RRBP1: variants seen among roughly 807,000 people sequenced by gnomAD.
RRBP1 encodes ribosome binding protein 1.
Under a neutral mutation model 165.2 loss-of-function variants are expected in RRBP1, and 94 were observed. The ratio of observed to expected loss-of-function variants is 0.57; its 90% CI spans 0.48 to 0.68. RRBP1 has a LOEUF of 0.68. RRBP1 is among the 30% of genes least tolerant of loss of function. The pLI is 0.00. For missense variants in RRBP1, 1,676 were observed against 1,763.0 expected (o/e 0.95, Z 0.88); for synonymous variants, 680 against 714.5 (o/e 0.95, Z 0.77).
At chr20:17,636,753 G>A (rs1401622991) in intron 5 of RRBP1, 24 bp from the exon 6 acceptor site, 13 of 1,611,576 alleles carry the variant, frequency 8.1e-6, no homozygotes, top group African/African-American at 4.0e-5. Context: ...AGCAGAGAGA[G>A]GGGCTGGTAA....
intron 2 of RRBP1, among the ~76,000 whole-genome samples, chr20:17,671,074 T>C (rs1341034798): frequency 6.6e-6 from 1 of 152,236 alleles, no homozygotes; most frequent in Non-Finnish European, 1.5e-5. Flanking sequence ...TTTTATGTAA[T>C]CTGCTAGTAA....
At chr20:17,648,919 G>T (rs962959377) in intron 3 of RRBP1, among the ~76,000 whole-genome samples, 1 of 152,178 alleles carries the variant, frequency 6.6e-6, no homozygotes, top group African/African-American at 2.4e-5. Context: ...TGCAGAAAAC[G>T]GCAGGGGATT....
At position 17,625,661 on chromosome 20, in the gene RRBP1, C is replaced by T. The variant is rs2036003511; in HGVS notation, c.2964-59G>A. 121 of 1,393,108 alleles carry T rather than the reference C, an allele frequency of 8.7e-5. 1 individual carries two copies. In the South Asian group the frequency reaches 1.3e-3, roughly 15 times the overall value. The allele number at this position is 1,393,108 out of a possible 1,614,324, so 86.3% of individuals were successfully genotyped here. On this transcript the variant is annotated intron_variant, in intron 11 of 24. Coordinates refer to ENST00000377813, the MANE Select transcript of RRBP1 (RefSeq NM_001365613.2). ...CCAAGGGGCTACAGCCCCTACAGATCCCACCTGAGGCCCCATCCAGGGAGG... is the reference window on the plus strand; with the variant it reads ...CCAAGGGGCTACAGCCCCTACAGATTCCACCTGAGGCCCCATCCAGGGAGG...
At chr20:17,626,871 T>A (rs985416572) in intron 11 of RRBP1, among the ~76,000 whole-genome samples, 1 of 152,136 alleles carries the variant, frequency 6.6e-6, no homozygotes, top group Non-Finnish European at 1.5e-5. Flanking sequence ...ACCTCACAGA[T>A]GGAGGAAAAC....
chr20:17,618,628 C>T lies in RRBP1; in HGVS notation c.3727G>A (p.Glu1243Lys), dbSNP rs149077359. 81 of 1,613,894 alleles carry T rather than the reference C, an allele frequency of 5.0e-5. No individual in the cohort carries two copies. Among genetic ancestry groups the T allele is most frequent in the Middle Eastern group, 1.6e-4 (1 of 6,084 alleles). The change falls in exon 20 of 25, where the codon GAA becomes AAA. Residue 1243 changes from glutamate (E) to lysine (K), a missense_variant. By Grantham distance (56) the Glu-to-Lys change is moderately conservative. Around this residue, in one of 5 missense-constraint regions of RRBP1, gnomAD observed 1,184 missense variants for 1,167.1 expected, o/e 1.01. Transcript: ENST00000377813. ...SQSQLDAAKS[E>K]AQKQSDELAL... The stretch of plus-strand genomic sequence containing the variant: ...AGCTCATCGCTCTGTTTCTGGGCTT[C>T]GCTCTTGGCGGCATCGAGCTGAGAT...
chr20:17,627,436 G>C, intron 10 of RRBP1, 54 bp from the exon 11 acceptor site: 2 of 1,611,084 alleles, frequency 1.2e-6, no homozygotes, highest in Non-Finnish European at 1.7e-6. Flanking sequence ...CTCACGCAGC[G>C]GGGCTAGTCC....
At position 17,624,643 on chromosome 20, in the gene RRBP1, G is replaced by T. The variant is rs763610503; in HGVS notation, c.3080C>A (p.Ala1027Asp). The change falls in exon 13 of 25, where the codon GCC becomes GAC. Residue 1027 changes from alanine (A) to aspartate (D), a missense_variant. Transcript: ENST00000377813. ...CTCGGCCGTGGCCAGTGCCTCCATG[G>T]CCTTCCAGTTCTTCTCCCGGAGGTC... Reference protein sequence around the residue: ...NNDLREKNWKAMEALATAEQA... With the variant: ...NNDLREKNWKDMEALATAEQA... The T allele has an allele frequency of 4.4e-6, 7 of 1,588,226 alleles. No homozygotes were observed. Among genetic ancestry groups the T allele is most frequent in the Non-Finnish European group, 6.0e-6 (7 of 1,167,994 alleles).
At chr20:17,681,702 G>A (rs2037192552) in intron 1 of RRBP1, among the ~76,000 whole-genome samples, 1 of 150,272 alleles carries the variant, frequency 6.7e-6, no homozygotes, top group African/African-American at 2.4e-5. Context: ...CGGCCCGACG[G>A]CCCTGCCGGG....
At chr20:17,675,674 G>A (rs772493871) in intron 2 of RRBP1, among the ~76,000 whole-genome samples, 7 of 152,210 alleles carry the variant, frequency 4.6e-5, no homozygotes, top group Non-Finnish European at 8.8e-5. Context: ...CAAAGTAGAC[G>A]CAAAGGCCCG....
chr20:17,614,212 G>A lies in RRBP1; in HGVS notation c.4203C>T (p.Gly1401=), dbSNP rs143196155. The part of the protein sequence containing the change: ...LQEQLEKAED[G]SSSKEGTSV Reference sequence around the variant, plus strand: ...CAGAGGTGCCCTCCTTTGAGCTGCTGCCGTCCTCCTGTGAACGAAGGCAGG... The same window carrying A: ...CAGAGGTGCCCTCCTTTGAGCTGCTACCGTCCTCCTGTGAACGAAGGCAGG... Residue 1401 remains glycine (G), a synonymous_variant, in exon 25 of 25, where the codon GGC becomes GGT. Coordinates refer to ENST00000377813, the MANE Select transcript of RRBP1 (RefSeq NM_001365613.2). The A allele has an allele frequency of 1.5e-5, 24 of 1,613,718 alleles. No individual in the cohort carries two copies. Among genetic ancestry groups the A allele is most frequent in the Non-Finnish European group, 2.0e-5 (24 of 1,179,988 alleles).
rs1248707417 is a variant in RRBP1 at position 17,621,699 on chromosome 20, C to G, written c.3315G>C (p.Glu1105Asp). 6.2e-7 allele frequency: 1 copy of G among 1,613,572 alleles called. No homozygotes were observed. Among genetic ancestry groups the G allele is most frequent in the African/African-American group, 1.3e-5 (1 of 74,938 alleles). Residue 1105 changes from glutamate to aspartate, a missense_variant, in exon 15 of 25, where the codon GAG becomes GAC. Around this residue, in one of 5 missense-constraint regions of RRBP1, gnomAD observed 1,184 missense variants for 1,167.1 expected, o/e 1.01. Transcript: ENST00000377813. The part of the protein sequence containing the change: ...TLLKHPPAPA[E>D]PSSDLASKLR... Reference sequence around the variant, plus strand: ...AGGCAGCCACACTTACCGAGGAGGGCTCCGCGGGAGCTGGCGGGTGCTTCA... The same window carrying G: ...AGGCAGCCACACTTACCGAGGAGGGGTCCGCGGGAGCTGGCGGGTGCTTCA...
rs756847775 is a variant in RRBP1, at chr20:17,629,884, G to A, written c.2688C>T (p.Ser896=). Residue 896 remains serine (S), a synonymous_variant, in exon 9 of 25, where the codon AGC becomes AGT. Coordinates refer to ENST00000377813, the MANE Select transcript of RRBP1 (RefSeq NM_001365613.2). ...CATCCGCCCGGAGGCTGGCGTGGCTGCTCTGCGTGTGGCACAGCTCCCGGC... is the reference window on the plus strand; with the variant it reads ...CATCCGCCCGGAGGCTGGCGTGGCTACTCTGCGTGTGGCACAGCTCCCGGC... ...EVSRELCHTQ[S]SHASLRADAE... 6 of 1,600,244 alleles carry A rather than the reference G, an allele frequency of 3.7e-6. No homozygotes were observed. In the East Asian group the frequency reaches 8.9e-5, roughly 24 times the overall value.
chr20:17,619,830 C>A, intron 18 of RRBP1, 102 bp from the exon 19 acceptor site: 1 of 744,022 alleles, frequency 1.3e-6, no homozygotes, highest in Non-Finnish European at 2.1e-6. Flanking sequence ...TGAGGCCTCT[C>A]GGGAGATCCC....
At chr20:17,641,614 T>C (rs1258752530) in intron 5 of RRBP1, 183 bp downstream of exon 5, 2 of 703,132 alleles carry the variant, frequency 2.8e-6, no homozygotes. Context: ...CTGCCAAGGG[T>C]GAGCTGCCGG....
chr20:17,680,478 G>A (rs1298473937), intron 1 of RRBP1, among the ~76,000 whole-genome samples: 3 of 152,280 alleles, frequency 2.0e-5, no homozygotes, highest in Admixed American at 1.3e-4. Context: ...AGTGACGTGG[G>A]AGGCTCCTCA....
chr20:17,664,533 T>C (rs1379433669), intron 2 of RRBP1, among the ~76,000 whole-genome samples: 1 of 152,244 alleles, frequency 6.6e-6, no homozygotes, highest in Non-Finnish European at 1.5e-5. Context: ...CTGGACAGAC[T>C]GAACTCACTG....
rs374557634 is a variant in RRBP1, at chr20:17,633,560, T to A, written c.2510A>T (p.Glu837Val). 3 of 1,613,896 alleles carry A rather than the reference T, an allele frequency of 1.9e-6. No homozygotes were observed. In the African/African-American group the frequency reaches 4.0e-5, roughly 22 times the overall value. The change falls in exon 8 of 25, where the codon GAG (glutamate) becomes GTG (valine). Residue 837 changes from glutamate (E) to valine (V), a missense_variant. Coordinates refer to ENST00000377813, the MANE Select transcript of RRBP1 (RefSeq NM_001365613.2). Reference sequence around the variant, plus strand: ...CACAGCCTCTGACTTCTCCACCAGCTCTTTGCTGACCTTGCTGAGCTCCTG... The same window carrying A: ...CACAGCCTCTGACTTCTCCACCAGCACTTTGCTGACCTTGCTGAGCTCCTG... ...LRQELSKVSKELVEKSEAVRQ... is the reference protein window; with the variant it reads ...LRQELSKVSKVLVEKSEAVRQ...
intron 22 of RRBP1, 38 bp downstream of exon 22, chr20:17,615,888 G>A (rs756802461): frequency 1.3e-6 from 2 of 1,561,098 alleles, no homozygotes; most frequent in South Asian, 2.2e-5. Context: ...AGGGCCCAGG[G>A]GCTGATGGGG....
At chr20:17,653,783 G>A (rs532065014) in intron 3 of RRBP1, among the ~76,000 whole-genome samples, 14 of 149,584 alleles carry the variant, frequency 9.4e-5, no homozygotes, top group African/African-American at 2.5e-4. Context: ...GCAGTGAGCC[G>A]AGATCGTGCC....
Sources: gnomAD v4.1 joint callset for allele counts (sites outside exome capture counted in the v4.1 genomes callset) on GRCh38, gnomAD v4.1.1 for gene constraint, gnomAD v4.1.1 regional missense constraint, MANE v1.5 for transcripts, NCBI Gene and HGNC (gene_info 2026-07-23, HGNC 2026-07-21) for gene names.